PPFIA2: variants seen among roughly 807,000 people sequenced by gnomAD.
The protein encoded by PPFIA2 is PPFI scaffold protein A2, also known as liprin-alpha-2.
In PPFIA2, 46 loss-of-function variants were observed where a neutral mutation model predicts 175.5. The observed-to-expected ratio is 0.26, with a 90% CI of 0.21 to 0.34. The LOEUF is 0.34. Among genes scored for constraint, PPFIA2 ranks in the 10% least tolerant of loss-of-function variants. The pLI is 1.00. For synonymous variants in PPFIA2, 568 were observed against 511.4 expected, an observed-to-expected ratio of 1.11 and a Z score of -1.49; for missense variants, 1,179 against 1,506.1, an observed-to-expected ratio of 0.78 and a Z score of 3.60.
chr12:81,525,394 C>G (rs550029686), intron 4 of PPFIA2, among the ~76,000 whole-genome samples: 1 of 152,052 alleles, frequency 6.6e-6, no homozygotes, highest in Non-Finnish European at 1.5e-5. Flanking sequence ...GTTGACTAAA[C>G]CAGGTAAAAG....
intron 8 of PPFIA2, among the ~76,000 whole-genome samples, chr12:81,391,402 G>A (rs972668006): frequency 2.0e-4 from 30 of 151,864 alleles, no homozygotes; most frequent in African/African-American, 7.0e-4. Flanking sequence ...GACTTGACAG[G>A]GAAGGCCAGC....
At chr12:81,287,912 C>A (rs898678938) in intron 24 of PPFIA2, among the ~76,000 whole-genome samples, 3 of 151,768 alleles carry the variant, frequency 2.0e-5, no homozygotes, top group Non-Finnish European at 4.4e-5. Context: ...GGTTGTGGTT[C>A]TCTGAGATCC....
intron 5 of PPFIA2, among the ~76,000 whole-genome samples, chr12:81,450,824 A>C (rs1278239619): frequency 6.6e-6 from 1 of 152,138 alleles, no homozygotes; most frequent in Admixed American, 6.5e-5. Flanking sequence ...ATAAGGTGTA[A>C]GGAAGGGATC....
intron 4 of PPFIA2, among the ~76,000 whole-genome samples, chr12:81,665,129 A>G (rs1362547316): frequency 2.6e-5 from 4 of 152,158 alleles, no homozygotes; most frequent in African/African-American, 9.7e-5. Flanking sequence ...TGGCACATGT[A>G]TACATATGTA....
In PPFIA2 at chr12:81,358,226, A is replaced by C. The variant is rs1217938920; in HGVS notation, c.1638-9T>G. 6.4e-7 allele frequency: 1 copy of C among 1,560,494 alleles called. No individual in the cohort carries two copies. The highest frequency in any genetic ancestry group is 8.7e-7 in the Non-Finnish European group (1 of 1,153,042). On this transcript the variant is annotated splice_polypyrimidine_tract_variant and intron_variant, in intron 15 of 32. Coordinates refer to ENST00000549396, the MANE Select transcript of PPFIA2 (RefSeq NM_003625.5). ...AGGTGTCTAGATGAGTTCTGGAAAA[A>C]AGGAAAAATATAAAATAATCCAATC...
intron 7 of PPFIA2, among the ~76,000 whole-genome samples, chr12:81,429,061 AT>A (rs1216868601): frequency 1.1e-4 from 16 of 152,068 alleles, no homozygotes; most frequent in African/African-American, 3.9e-4. Context: ...TTAACTGAAA[AT>A]TGGTCATGGA....
intron 4 of PPFIA2, among the ~76,000 whole-genome samples, chr12:81,494,637 A>G (rs2059818959): frequency 6.6e-6 from 1 of 152,078 alleles, no homozygotes; most frequent in South Asian, 2.1e-4. Flanking sequence ...ATAAAGACAC[A>G]TGCACATTTA....
intron 4 of PPFIA2, among the ~76,000 whole-genome samples, chr12:81,593,625 A>G (rs539848486): frequency 6.6e-5 from 10 of 152,316 alleles, no homozygotes; most frequent in African/African-American, 2.4e-4. Context: ...GAACAAATAA[A>G]GAGGATTTTT....
At chr12:81,398,381 A>G (rs2041533020) in intron 8 of PPFIA2, among the ~76,000 whole-genome samples, 1 of 152,118 alleles carries the variant, frequency 6.6e-6, no homozygotes, top group Admixed American at 6.6e-5. Flanking sequence ...TCTTAGAAAC[A>G]TGGACAGGTT....
At chr12:81,636,910 C>G (rs556853331) in intron 4 of PPFIA2, among the ~76,000 whole-genome samples, 1 of 152,218 alleles carries the variant, frequency 6.6e-6, no homozygotes, top group Admixed American at 6.5e-5. Flanking sequence ...GCCTTGGCCT[C>G]CCAAAGTGCT....
intron 4 of PPFIA2, among the ~76,000 whole-genome samples, chr12:81,529,725 G>T (rs1279068181): frequency 1.3e-5 from 2 of 151,964 alleles, no homozygotes; most frequent in South Asian, 2.1e-4. Flanking sequence ...GTTAAATACA[G>T]CTGACTACTT....
At chr12:81,292,128 C>T (rs1026224097) in intron 24 of PPFIA2, among the ~76,000 whole-genome samples, 5 of 151,906 alleles carry the variant, frequency 3.3e-5, no homozygotes, top group African/African-American at 1.2e-4. Context: ...TCATATTTTT[C>T]ATCTGGAAGT....
intron 4 of PPFIA2, among the ~76,000 whole-genome samples, chr12:81,628,208 C>T (rs573793309): frequency 3.3e-5 from 5 of 151,930 alleles, no homozygotes; most frequent in African/African-American, 1.2e-4. Context: ...TTTAATCAAC[C>T]GAGCACCTCT....
At chr12:81,444,851 C>A (rs1053565334) in intron 6 of PPFIA2, among the ~76,000 whole-genome samples, 4 of 152,064 alleles carry the variant, frequency 2.6e-5, no homozygotes, top group Admixed American at 1.3e-4. Context: ...TTTAAAAGTT[C>A]AGTCTTTGAA....
intron 16 of PPFIA2, among the ~76,000 whole-genome samples, chr12:81,357,568 G>A (rs1401118732): frequency 6.6e-6 from 1 of 152,070 alleles, no homozygotes; most frequent in Non-Finnish European, 1.5e-5. Flanking sequence ...TGAACACAAG[G>A]AATAGTCTAT....
chr12:81,467,481 G>T (rs2055892448), intron 4 of PPFIA2, among the ~76,000 whole-genome samples: 1 of 152,146 alleles, frequency 6.6e-6, no homozygotes, highest in South Asian at 2.1e-4. Context: ...CTGAGCTCAG[G>T]AGTTCGAGAA....
chr12:81,621,213 G>C (rs1305601151), intron 4 of PPFIA2, among the ~76,000 whole-genome samples: 1 of 152,164 alleles, frequency 6.6e-6, no homozygotes, highest in Non-Finnish European at 1.5e-5. Context: ...AGCATAACAG[G>C]CAGAGAATAA....
chr12:81,430,321 C>A (rs1022191887), intron 7 of PPFIA2: 1 of 152,078 alleles, frequency 6.6e-6, no homozygotes. Flanking sequence ...TGCTGAATTT[C>A]TCAAAAGAGT....
intron 30 of PPFIA2, among the ~76,000 whole-genome samples, chr12:81,266,352 A>T (rs1274241580): frequency 6.6e-6 from 1 of 152,210 alleles, no homozygotes. Flanking sequence ...GTATTCATTC[A>T]TCTCGGGAGG....
Sources: allele counts gnomAD v4.1 joint callset (sites outside exome capture counted in the v4.1 genomes callset), GRCh38; gene constraint gnomAD v4.1.1; transcripts MANE v1.5; gene names NCBI Gene and HGNC (gene_info 2026-07-23, HGNC 2026-07-21).